PARM1: variants seen among roughly 807,000 people sequenced by gnomAD.
The protein encoded by PARM1 is prostate androgen-regulated mucin-like protein 1.
PARM1 carries 14 observed loss-of-function variants against 24.6 expected under a neutral mutation model. That is an observed-to-expected ratio of 0.57 (90% CI 0.38 to 0.89). PARM1 has a LOEUF of 0.89. PARM1 is among the 40% of genes least tolerant of loss of function. PARM1 has a pLI of 0.00. For synonymous variants in PARM1, 179 were observed against 156.6 expected (o/e 1.14, Z -1.07); for missense variants, 362 against 380.4 (o/e 0.95, Z 0.40).
intron 2 of PARM1, among the ~76,000 whole-genome samples, chr4:75,024,138 A>G (rs985021903): frequency 5.3e-5 from 8 of 152,114 alleles, no homozygotes; most frequent in Non-Finnish European, 1.0e-4. Context: ...CTGGCGTGGT[A>G]GCGGGCGCCT....
chr4:74,978,674 G>A (rs184128904), intron 1 of PARM1, among the ~76,000 whole-genome samples: 53 of 152,168 alleles, frequency 3.5e-4, no homozygotes, highest in Middle Eastern at 6.8e-3. Context: ...TCTCAGAATT[G>A]CCTGACACTT....
chr4:74,987,538 T>C (rs930048936), intron 1 of PARM1, among the ~76,000 whole-genome samples: 1 of 152,230 alleles, frequency 6.6e-6, no homozygotes, highest in Non-Finnish European at 1.5e-5. Context: ...AAAACTTCTT[T>C]TAAATTTGAA....
chr4:74,961,841 A>G (rs1376738666), intron 1 of PARM1, among the ~76,000 whole-genome samples: 1 of 152,216 alleles, frequency 6.6e-6, no homozygotes, highest in Non-Finnish European at 1.5e-5. Flanking sequence ...GTTGAAATGA[A>G]AGAACACTAA....
chr4:74,988,706 A>G (rs1343953996), intron 1 of PARM1, among the ~76,000 whole-genome samples: 5 of 152,234 alleles, frequency 3.3e-5, no homozygotes, highest in Non-Finnish European at 5.9e-5. Flanking sequence ...GCATAACTGT[A>G]TGGCTATTAC....
chr4:74,954,410 C>G (rs958193060), intron 1 of PARM1, among the ~76,000 whole-genome samples: 1 of 152,196 alleles, frequency 6.6e-6, no homozygotes, highest in Non-Finnish European at 1.5e-5. Flanking sequence ...AGAATGACAG[C>G]TAGGATTTGA....
At chr4:74,993,764 A>G (rs1578042813) in intron 1 of PARM1, 1 of 152,152 alleles carries the variant, frequency 6.6e-6, no homozygotes, top group African/African-American at 2.4e-5. Flanking sequence ...AGGGCTAGGC[A>G]TGAAGAGTGG....
intron 1 of PARM1, among the ~76,000 whole-genome samples, chr4:75,000,460 C>G (rs1405127881): frequency 6.6e-6 from 1 of 152,166 alleles, no homozygotes; most frequent in Non-Finnish European, 1.5e-5. Context: ...GCCTTTCACT[C>G]TCATCATTCT....
chr4:75,036,804 C>T (rs567173423), intron 3 of PARM1, among the ~76,000 whole-genome samples: 2 of 152,208 alleles, frequency 1.3e-5, no homozygotes, highest in Admixed American at 6.5e-5. Context: ...ATTCTTCTTC[C>T]CCATACAGCT....
chr4:74,996,674 A>G (rs760088454), intron 1 of PARM1, among the ~76,000 whole-genome samples: 1 of 152,100 alleles, frequency 6.6e-6, no homozygotes, highest in Non-Finnish European at 1.5e-5. Flanking sequence ...TCTCTTAGGG[A>G]ATTTTGCTGT....
In PARM1 at chr4:75,039,191, T is replaced by C. The variant is rs571355868; in HGVS notation, c.848+5230T>C. Among the ~76,000 whole-genome samples, 51 of 152,292 alleles carry C rather than the reference T, an allele frequency of 3.3e-4. 3 individuals are homozygous for C. The South Asian group carries it at 9.5e-3, about 28-fold the overall frequency. Reference sequence around the variant, plus strand: ...TTTACTCAATTTTCTCCCTCAGTGGTTCTTAAACTTTAATGTGCATAAGAA... The same window carrying C: ...TTTACTCAATTTTCTCCCTCAGTGGCTCTTAAACTTTAATGTGCATAAGAA... On this transcript the variant is annotated intron_variant, in intron 3 of 3. Coordinates refer to ENST00000307428, the MANE Select transcript of PARM1 (RefSeq NM_015393.4).
chr4:75,046,165 A>G lies in PARM1; in HGVS notation c.851A>G (p.His284Arg), dbSNP rs1723596852. ...FGVAAYLKIR[H>R]SSYGRLLDDH... Reference sequence around the variant, plus strand: ...ACCCTCTTCTGTTTCTCCACCAGGCATTCCTCCTATGGAAGACTTTTGGAC... The same window carrying G: ...ACCCTCTTCTGTTTCTCCACCAGGCGTTCCTCCTATGGAAGACTTTTGGAC... The change falls in exon 4 of 4, where the codon CAT becomes CGT. Residue 284 changes from histidine (H) to arginine (R), a missense_variant and splice_region_variant. Coordinates refer to ENST00000307428, the MANE Select transcript of PARM1 (RefSeq NM_015393.4). The G allele has an allele frequency of 1.9e-6, 3 of 1,610,000 alleles. No homozygotes were observed. The highest frequency in any genetic ancestry group is 2.6e-6 in the Non-Finnish European group (3 of 1,176,334).
chr4:74,960,776 A>C (rs1222166640), intron 1 of PARM1, among the ~76,000 whole-genome samples: 3 of 152,000 alleles, frequency 2.0e-5, no homozygotes, highest in African/African-American at 7.2e-5. Flanking sequence ...TGGGAGGCCG[A>C]GGCGGGTGGA....
At chr4:74,978,953 T>G (rs1280303750) in intron 1 of PARM1, among the ~76,000 whole-genome samples, 1 of 152,146 alleles carries the variant, frequency 6.6e-6, no homozygotes, top group African/African-American at 2.4e-5. Context: ...GGGATGCAGC[T>G]AAAGCAGTGT....
intron 1 of PARM1, among the ~76,000 whole-genome samples, chr4:74,933,951 A>G (rs929846585): frequency 2.0e-5 from 3 of 152,200 alleles, no homozygotes; most frequent in Admixed American, 1.3e-4. Context: ...CAGGCTCGCA[A>G]TCGTCACTGG....
chr4:74,998,993 T>C (rs577916288), intron 1 of PARM1: 1 of 152,384 alleles, frequency 6.6e-6, no homozygotes, highest in African/African-American at 2.4e-5. Context: ...CCACACAACA[T>C]AGAGTGTCCC....
chr4:74,994,895 T>C (rs1471890845), intron 1 of PARM1, among the ~76,000 whole-genome samples: 1 of 152,080 alleles, frequency 6.6e-6, no homozygotes, highest in Non-Finnish European at 1.5e-5. Flanking sequence ...CCAAAAATTC[T>C]GGGAACACTT....
chr4:75,002,884 A>C (rs1423812893), intron 1 of PARM1, among the ~76,000 whole-genome samples: 4 of 152,222 alleles, frequency 2.6e-5, no homozygotes, highest in African/African-American at 9.6e-5. Flanking sequence ...AGTGGGCTGC[A>C]GGGCCCAGGA....
chr4:75,017,743 C>T (rs1723014314), intron 2 of PARM1, among the ~76,000 whole-genome samples: 2 of 152,272 alleles, frequency 1.3e-5, no homozygotes, highest in African/African-American at 4.8e-5. Flanking sequence ...ATGGGCTACA[C>T]CCTGAACCCC....
chr4:75,042,339 C>A (rs1024649764), intron 3 of PARM1, among the ~76,000 whole-genome samples: 3 of 152,186 alleles, frequency 2.0e-5, no homozygotes, highest in Non-Finnish European at 2.9e-5. Context: ...TGAATCAGTG[C>A]CAGTCTTTAT....
Sources: allele counts gnomAD v4.1 joint callset (sites outside exome capture counted in the v4.1 genomes callset), GRCh38; gene constraint gnomAD v4.1.1; transcripts MANE v1.5; gene names NCBI Gene and HGNC (gene_info 2026-07-23, HGNC 2026-07-21).